The following NRXN3 variants were observed in gnomAD, a reference collection of about 807,000 sequenced individuals.
NRXN3 encodes neurexin 3, also known as neurexin III.
NRXN3 carries 32 observed loss-of-function variants against 137.6 expected under a neutral mutation model. The ratio of observed to expected loss-of-function variants is 0.23; its 90% CI spans 0.18 to 0.31. NRXN3 has a LOEUF of 0.31. Ranked by LOEUF, NRXN3 falls within the 10% of genes least tolerant of loss-of-function variation. The probability of loss-of-function intolerance (pLI) is 1.00; values close to 1 mark genes in which losing one functional copy is unlikely to be tolerated. For synonymous variants in NRXN3, 798 were observed against 784.5 expected, an observed-to-expected ratio of 1.02 and a Z score of -0.29; for missense variants, 1,574 against 2,062.5, an observed-to-expected ratio of 0.76 and a Z score of 4.59.
At chr14:78,853,399 T>C (rs2099048352) in intron 10 of NRXN3, among the ~76,000 whole-genome samples, 1 of 152,148 alleles carries the variant, frequency 6.6e-6, no homozygotes, top group Non-Finnish European at 1.5e-5. Context: ...GGACACATAG[T>C]TTGCAGGGGT....
chr14:78,942,060 C>A (rs961402150), intron 10 of NRXN3, among the ~76,000 whole-genome samples: 1 of 152,104 alleles, frequency 6.6e-6, no homozygotes, highest in Non-Finnish European at 1.5e-5. Context: ...GATGATAGGT[C>A]GTCTTAATGG....
chr14:78,455,157 G>C (rs1395908217), intron 4 of NRXN3, among the ~76,000 whole-genome samples: 1 of 152,160 alleles, frequency 6.6e-6, no homozygotes, highest in Admixed American at 6.5e-5. Context: ...ATCAAGTGTC[G>C]CAACTGCACT....
chr14:78,906,149 A>T (rs147261555), intron 10 of NRXN3, among the ~76,000 whole-genome samples: 3 of 152,228 alleles, frequency 2.0e-5, no homozygotes, highest in Admixed American at 2.0e-4. Context: ...AAGATTTATG[A>T]TACTTAGTAA....
At chr14:79,379,833 G>A (rs1428105837) in intron 15 of NRXN3, among the ~76,000 whole-genome samples, 2 of 151,516 alleles carry the variant, frequency 1.3e-5, no homozygotes, top group African/African-American at 4.9e-5. Context: ...GCCAATAAAA[G>A]CCTTTTTAAA....
At chr14:78,332,508 G>A (rs1367686524) in intron 4 of NRXN3, among the ~76,000 whole-genome samples, 2 of 151,940 alleles carry the variant, frequency 1.3e-5, no homozygotes, top group East Asian at 3.9e-4. Context: ...TAGAGATGGG[G>A]TTTCACCATG....
At chr14:78,207,149 C>G (rs969718311) in intron 1 of NRXN3, among the ~76,000 whole-genome samples, 5 of 152,158 alleles carry the variant, frequency 3.3e-5, no homozygotes, top group Admixed American at 3.3e-4. Flanking sequence ...CAGGTGTGAA[C>G]CACCGCGCCC....
intron 4 of NRXN3, among the ~76,000 whole-genome samples, chr14:78,487,836 TG>T (rs1340854986): frequency 1.3e-5 from 2 of 152,022 alleles, no homozygotes; most frequent in African/African-American, 4.8e-5. Flanking sequence ...TCGGTAGACA[TG>T]GAATATATTT....
At chr14:79,618,249 G>T (rs2098183542) in intron 16 of NRXN3, among the ~76,000 whole-genome samples, 1 of 151,996 alleles carries the variant, frequency 6.6e-6, no homozygotes, top group Admixed American at 6.6e-5. Context: ...TTGTTACATG[G>T]ATAGATTGTG....
At chr14:78,175,872 C>T (rs213565) in intron 1 of NRXN3, among the ~76,000 whole-genome samples, 130,492 of 152,258 alleles carry the variant, frequency 0.86, 56,086 homozygotes, top group African/African-American at 0.91. Flanking sequence ...TAATTTTAAT[C>T]GGTGAATCAT....
chr14:78,264,618 C>T (rs933493309), intron 2 of NRXN3, among the ~76,000 whole-genome samples: 9 of 152,110 alleles, frequency 5.9e-5, no homozygotes, highest in South Asian at 2.1e-4. Context: ...GAGCAGTGCC[C>T]GTTCACGTGT....
At chr14:79,283,540 A>G (rs1360048983) in intron 15 of NRXN3, among the ~76,000 whole-genome samples, 1 of 152,194 alleles carries the variant, frequency 6.6e-6, no homozygotes, top group African/African-American at 2.4e-5. Context: ...GTTATATTAT[A>G]GATTTGCTTA....
intron 15 of NRXN3, among the ~76,000 whole-genome samples, chr14:79,321,721 A>G (rs1037617415): frequency 6.6e-6 from 1 of 151,126 alleles, no homozygotes; most frequent in Non-Finnish European, 1.5e-5. Flanking sequence ...TAATGGTTTC[A>G]GCATCATGAT....
chr14:78,303,606 A>G (rs1374667635), intron 4 of NRXN3, among the ~76,000 whole-genome samples: 1 of 151,822 alleles, frequency 6.6e-6, no homozygotes, highest in Non-Finnish European at 1.5e-5. Context: ...CAGTGGGCAT[A>G]CCCCCTCTGC....
intron 8 of NRXN3, among the ~76,000 whole-genome samples, chr14:78,739,399 G>C (rs2098554672): frequency 6.6e-6 from 1 of 152,166 alleles, no homozygotes; most frequent in Non-Finnish European, 1.5e-5. Flanking sequence ...TTACAGGCTG[G>C]AGGAAGAAGA....
At chr14:79,029,977 A>C (rs1018725255) in intron 15 of NRXN3, among the ~76,000 whole-genome samples, 3 of 149,704 alleles carry the variant, frequency 2.0e-5, no homozygotes, top group Non-Finnish European at 4.4e-5. Context: ...CCCCCCAAGT[A>C]GCTGGGACTA....
intron 10 of NRXN3, among the ~76,000 whole-genome samples, chr14:78,866,633 A>T (rs988465164): frequency 6.6e-6 from 1 of 152,102 alleles, no homozygotes; most frequent in Non-Finnish European, 1.5e-5. Flanking sequence ...TAGTGTTCCT[A>T]CTGATAGATT....
chr14:79,787,671 A>G (rs1207192792), intron 19 of NRXN3, among the ~76,000 whole-genome samples: 1 of 152,100 alleles, frequency 6.6e-6, no homozygotes, highest in Non-Finnish European at 1.5e-5. Context: ...TGCCTGGCTT[A>G]TTTCACTTAG....
chr14:78,645,536 A>G, intron 5 of NRXN3, 115 bp downstream of exon 5: 1 of 807,752 alleles, frequency 1.2e-6, no homozygotes. Flanking sequence ...AGGGATGGAG[A>G]TGTTAACGTC....
chr14:78,732,210 T>G (rs2152903423), intron 8 of NRXN3, among the ~76,000 whole-genome samples: 1 of 152,314 alleles, frequency 6.6e-6, no homozygotes, highest in African/African-American at 2.4e-5. Flanking sequence ...TTGTCACTAC[T>G]GTCCACATCC....
Sources: gnomAD v4.1 joint callset for allele counts (sites outside exome capture counted in the v4.1 genomes callset) on GRCh38, gnomAD v4.1.1 for gene constraint, MANE v1.5 for transcripts, NCBI Gene and HGNC (gene_info 2026-07-23, HGNC 2026-07-21) for gene names.